Variants in ARID1B observed in about 807,000 individuals in gnomAD.
ARID1B encodes AT-rich interactive domain-containing protein 1B.
A neutral mutation model predicts 212.3 loss-of-function variants in ARID1B; 30 were observed. The ratio of observed to expected loss-of-function variants is 0.14; its 90% CI spans 0.11 to 0.19. The LOEUF (loss-of-function observed/expected upper bound fraction) is 0.19. Ranked by LOEUF, ARID1B falls within the 10% of genes least tolerant of loss-of-function variation. The probability of loss-of-function intolerance (pLI) is 1.00; values close to 1 mark genes in which losing one functional copy is unlikely to be tolerated. For missense variants in ARID1B, 2,891 were observed against 3,204.0 expected, an observed-to-expected ratio of 0.90 and a Z score of 2.36; for synonymous variants, 1,402 against 1,301.7, an observed-to-expected ratio of 1.08 and a Z score of -1.66.
chr6:156,897,246 C>CTTATTATTATTATTATTA (rs1374385412), intron 2 of ARID1B, among the ~76,000 whole-genome samples: 1 of 103,562 alleles, frequency 9.7e-6, no homozygotes, highest in Non-Finnish European at 2.0e-5. Context: ...TCTTCTTCTT[C>CTTATTATTATTATTATTA]TTCTTCTTCT....
chr6:157,155,115 T>C (rs1471463473), intron 8 of ARID1B, among the ~76,000 whole-genome samples: 1 of 152,202 alleles, frequency 6.6e-6, no homozygotes, highest in Non-Finnish European at 1.5e-5. Context: ...CACATTCCCA[T>C]GTAGACTCCA....
chr6:156,883,043 C>T (rs561021257), intron 2 of ARID1B, among the ~76,000 whole-genome samples: 119 of 152,294 alleles, frequency 7.8e-4, no homozygotes, highest in Non-Finnish European at 9.8e-4. Context: ...CCTGAATTAA[C>T]GCAACTGCCT....
At chr6:157,082,202 C>T (rs186734427) in intron 4 of ARID1B, among the ~76,000 whole-genome samples, 35 of 152,316 alleles carry the variant, frequency 2.3e-4, no homozygotes, top group Non-Finnish European at 4.0e-4. Flanking sequence ...AGTTATGGTG[C>T]ATTTCAGCTG....
chr6:156,991,833 C>T (rs1386582622), intron 4 of ARID1B, among the ~76,000 whole-genome samples: 2 of 152,146 alleles, frequency 1.3e-5, no homozygotes, highest in Non-Finnish European at 2.9e-5. Flanking sequence ...TATCTATAAA[C>T]TGCCCTTTAT....
At chr6:157,042,677 G>A (rs943278230) in intron 4 of ARID1B, among the ~76,000 whole-genome samples, 2 of 82,812 alleles carry the variant, frequency 2.4e-5, no homozygotes, top group Admixed American at 2.5e-4. Flanking sequence ...TTTTTTTTTT[G>A]AGACAGAGTC....
intron 5 of ARID1B, among the ~76,000 whole-genome samples, chr6:157,086,879 A>G (rs1784998982): frequency 6.6e-6 from 1 of 152,238 alleles, no homozygotes. Context: ...ATCACAAAGG[A>G]TGCCCATTCT....
chr6:157,074,368 A>T (rs1285780461), intron 4 of ARID1B, among the ~76,000 whole-genome samples: 1 of 152,126 alleles, frequency 6.6e-6, no homozygotes, highest in African/African-American at 2.4e-5. Context: ...CTGGGATTAC[A>T]GGTGTGCCTC....
At chr6:156,865,845 T>C (rs1167744668) in intron 2 of ARID1B, among the ~76,000 whole-genome samples, 3 of 152,148 alleles carry the variant, frequency 2.0e-5, no homozygotes, top group Admixed American at 2.0e-4. Flanking sequence ...TTAATTCTTT[T>C]TTGTTTTGTT....
chr6:156,898,295 G>A (rs1261441554), intron 2 of ARID1B, among the ~76,000 whole-genome samples: 1 of 152,160 alleles, frequency 6.6e-6, no homozygotes, highest in Non-Finnish European at 1.5e-5. Flanking sequence ...GCAAAGCTTG[G>A]GACAGTGAAG....
chr6:157,005,520 G>T (rs1583127350), intron 4 of ARID1B, among the ~76,000 whole-genome samples: 1 of 152,128 alleles, frequency 6.6e-6, no homozygotes, highest in South Asian at 2.1e-4. Context: ...TTACTGGGTT[G>T]CCAAGGAGAA....
intron 7 of ARID1B, among the ~76,000 whole-genome samples, chr6:157,138,633 T>C (rs1259386184): frequency 6.6e-6 from 1 of 152,192 alleles, no homozygotes; most frequent in African/African-American, 2.4e-5. Flanking sequence ...TTCCCCTGGA[T>C]GGTGATGCAG....
intron 7 of ARID1B, among the ~76,000 whole-genome samples, chr6:157,146,546 T>C (rs1378140686): frequency 6.6e-6 from 1 of 152,212 alleles, no homozygotes; most frequent in Admixed American, 6.5e-5. Context: ...CTCTTGCACT[T>C]TTCACATTGC....
At chr6:157,021,656 G>A (rs184675424) in intron 4 of ARID1B, among the ~76,000 whole-genome samples, 1 of 152,134 alleles carries the variant, frequency 6.6e-6, no homozygotes, top group Non-Finnish European at 1.5e-5. Context: ...GGACCCCGCG[G>A]AAGGAGGCGC....
intron 2 of ARID1B, among the ~76,000 whole-genome samples, chr6:156,839,396 A>G (rs566643495): frequency 1.3e-5 from 2 of 152,260 alleles, no homozygotes; most frequent in South Asian, 4.1e-4. Context: ...CCTCATTCTG[A>G]TGACCTTATC....
At chr6:156,789,980 A>G (rs1190413882) in intron 1 of ARID1B, among the ~76,000 whole-genome samples, 7 of 152,254 alleles carry the variant, frequency 4.6e-5, no homozygotes, top group Non-Finnish European at 1.0e-4. Flanking sequence ...ATTCTCTATT[A>G]GTTAATTTAA....
intron 1 of ARID1B, 83 bp from the exon 2 acceptor site, chr6:156,829,144 A>G: frequency 1.9e-6 from 2 of 1,059,284 alleles, no homozygotes; most frequent in Admixed American, 2.3e-5. Context: ...TTGTGTTATT[A>G]ATGCATATGT....
chr6:156,910,729 A>G (rs1789807911), intron 3 of ARID1B, among the ~76,000 whole-genome samples: 1 of 152,194 alleles, frequency 6.6e-6, no homozygotes, highest in Non-Finnish European at 1.5e-5. Flanking sequence ...TGGTAGTTTC[A>G]TGTTTTCTAG....
At position 156,778,737 on chromosome 6, in the gene ARID1B, T is replaced by TCCG. The variant is rs766956053; in HGVS notation, c.1070_1072dup (p.Ala357dup). ...CGGGATGGGGATGATGCACTCCGCC[T>TCCG]CCGCCGCCGCCGCCGGGGCCCCCGG... On this transcript the variant is annotated inframe_insertion, in exon 1 of 20. Transcript: ENST00000636930. 188 of 1,516,820 alleles carry TCCG rather than the reference T, an allele frequency of 1.2e-4. No individual in the cohort carries two copies. Among genetic ancestry groups the TCCG allele is most frequent in the Admixed American group, 2.7e-4 (13 of 48,502 alleles). 94.0% of individuals were successfully genotyped at this position (1,516,820 alleles called of 1,614,324 possible). A position where few individuals can be genotyped will look rare whatever the true frequency, so the allele number is the denominator to read the frequency against.
intron 5 of ARID1B, 93 bp downstream of exon 5, chr6:157,084,998 A>G (rs1784874610): frequency 6.9e-7 from 1 of 1,451,928 alleles, no homozygotes. Flanking sequence ...ACTATTTAAA[A>G]CCTAGTGGCC....
Sources: gnomAD v4.1 joint callset for allele counts (sites outside exome capture counted in the v4.1 genomes callset) on GRCh38, gnomAD v4.1.1 for gene constraint, MANE v1.5 for transcripts, NCBI Gene and HGNC (gene_info 2026-07-23, HGNC 2026-07-21) for gene names.